FAM169A: variants seen among roughly 807,000 people sequenced by gnomAD.
FAM169A encodes soluble lamin-associated protein of 75 kDa.
FAM169A carries 24 observed loss-of-function variants against 75.7 expected under a neutral mutation model. The observed-to-expected ratio is 0.32, with a 90% CI of 0.23 to 0.45. The LOEUF (loss-of-function observed/expected upper bound fraction) is 0.45, where lower values mean the gene tolerates loss of function less well. Ranked by LOEUF, FAM169A falls within the 20% of genes least tolerant of loss-of-function variation. The probability of loss-of-function intolerance (pLI) is 1.00; values close to 1 mark genes in which losing one functional copy is unlikely to be tolerated. For synonymous variants in FAM169A, 271 were observed against 271.0 expected (o/e 1.00, Z 0.00); for missense variants, 673 against 784.0 (o/e 0.86, Z 1.69).
intron 5 of FAM169A, among the ~76,000 whole-genome samples, chr5:74,818,791 C>CT (rs1359291160): frequency 7.2e-6 from 1 of 138,812 alleles, no homozygotes; most frequent in Non-Finnish European, 1.5e-5. Flanking sequence ...CTCTCTCTCT[C>CT]TCTCTCTCTC....
intron 10 of FAM169A, among the ~76,000 whole-genome samples, chr5:74,797,388 G>A (rs113687819): frequency 0.024 from 3,646 of 152,142 alleles, 146 homozygotes; most frequent in African/African-American, 0.084. Flanking sequence ...TGTTGTCCAG[G>A]CTGGTTTCCA....
intron 11 of FAM169A, among the ~76,000 whole-genome samples, chr5:74,788,563 G>T (rs1320529732): frequency 1.3e-5 from 2 of 151,984 alleles, no homozygotes; most frequent in Non-Finnish European, 2.9e-5. Context: ...AAATTAGCCG[G>T]GCATGGTGGC....
chr5:74,849,133 G>A (rs985063512), intron 1 of FAM169A, among the ~76,000 whole-genome samples: 25 of 152,090 alleles, frequency 1.6e-4, no homozygotes, highest in Admixed American at 1.6e-3. Context: ...TCCAGGGTAA[G>A]CTGTATAAAA....
Position 74,845,375 on chromosome 5 carries a change from G to A in FAM169A, c.-3-3696C>T, listed in dbSNP as rs545213792. Among the ~76,000 whole-genome samples, 309 of 151,966 alleles carry A rather than the reference G, an allele frequency of 2.0e-3. 1 individual carries two copies. Among genetic ancestry groups the A allele is most frequent in the Admixed American group, 4.9e-3 (75 of 15,254 alleles). Reference sequence around the variant, plus strand: ...CTACTAAAAACACAAAAAATTAGCCGGGCGTGGTAGTGCGTGTCTGTAGTC... The same window carrying A: ...CTACTAAAAACACAAAAAATTAGCCAGGCGTGGTAGTGCGTGTCTGTAGTC... On this transcript the variant is annotated intron_variant, in intron 1 of 12. Coordinates refer to ENST00000687041, the MANE Select transcript of FAM169A (RefSeq NM_001376049.1).
chr5:74,798,020 G>A (rs1019244282), intron 10 of FAM169A, among the ~76,000 whole-genome samples: 1 of 152,190 alleles, frequency 6.6e-6, no homozygotes, highest in Non-Finnish European at 1.5e-5. Context: ...CATAGTTGGT[G>A]GACCTTTACA....
chr5:74,857,820 G>C (rs538363197), intron 1 of FAM169A, among the ~76,000 whole-genome samples: 1 of 152,094 alleles, frequency 6.6e-6, no homozygotes, highest in South Asian at 2.1e-4. Flanking sequence ...CTAGAGACAG[G>C]AGAAACTTCT....
At chr5:74,855,487 C>T (rs1330717980) in intron 1 of FAM169A, among the ~76,000 whole-genome samples, 4 of 152,148 alleles carry the variant, frequency 2.6e-5, no homozygotes, top group South Asian at 2.1e-4. Flanking sequence ...CATAAGCCAC[C>T]GTGCCTGGCC....
At chr5:74,799,373 C>A in intron 10 of FAM169A, 2 of 1,612,362 alleles carry the variant, frequency 1.2e-6, no homozygotes, top group Non-Finnish European at 1.7e-6. Context: ...TACTTTGAGT[C>A]TGAAAATGAC....
At chr5:74,851,642 T>C (rs1023654463) in intron 1 of FAM169A, among the ~76,000 whole-genome samples, 3 of 152,220 alleles carry the variant, frequency 2.0e-5, no homozygotes, top group African/African-American at 4.8e-5. Flanking sequence ...ATGATCCTAC[T>C]ACATACTGTA....
At chr5:74,852,193 A>G (rs1319846611) in intron 1 of FAM169A, among the ~76,000 whole-genome samples, 1 of 152,188 alleles carries the variant, frequency 6.6e-6, no homozygotes, top group Non-Finnish European at 1.5e-5. Context: ...CAACTAAGAA[A>G]TATAACCATG....
Position 74,865,806 on chromosome 5 carries a change from T to TGGGGAGAGGGCGA in FAM169A, c.-4+346_-4+358dup, listed in dbSNP as rs538671392. ...TCAGCTCGCACGCCAAGCATCCAGGTGGGGAGAGGGCGAGGGGAGGGGGCG... is the reference window on the plus strand; with the variant it reads ...TCAGCTCGCACGCCAAGCATCCAGGTGGGGAGAGGGCGAGGGGAGAGGGCGAGGGGAGGGGGCG... On this transcript the variant is annotated intron_variant, in intron 1 of 12. Coordinates refer to ENST00000687041, the MANE Select transcript of FAM169A (RefSeq NM_001376049.1). The TGGGGAGAGGGCGA allele has an allele frequency of 6.9e-3, 1,051 of 152,160 alleles. 7 individuals carry two copies. Among genetic ancestry groups the TGGGGAGAGGGCGA allele is most frequent in the Non-Finnish European group, 0.011 (751 of 68,020 alleles). The allele number at this position is 152,160 out of a possible 1,614,324, so 9.4% of individuals were successfully genotyped here. A position where few individuals can be genotyped will look rare whatever the true frequency, so the allele number is the denominator to read the frequency against.
At chr5:74,865,251 C>T (rs142025901) in intron 1 of FAM169A, 1 of 152,314 alleles carries the variant, frequency 6.6e-6, no homozygotes, top group East Asian at 1.9e-4. Context: ...CTGTGAGAAT[C>T]ACAATGAAAA....
chr5:74,860,761 A>AGCAACTGACCCCTCTCCT (rs1749989521), intron 1 of FAM169A, among the ~76,000 whole-genome samples: 1 of 150,814 alleles, frequency 6.6e-6, no homozygotes, highest in African/African-American at 2.4e-5. Context: ...AGTTTCTTTC[A>AGCAACTGACCCCTCTCCT]GCAACTGACC....
intron 11 of FAM169A, among the ~76,000 whole-genome samples, chr5:74,787,157 G>A (rs369664805): frequency 2.7e-4 from 41 of 152,318 alleles, no homozygotes; most frequent in African/African-American, 9.9e-4. Context: ...GGAATCTGGA[G>A]AACAGGTGTG....
At chr5:74,830,288 T>G (rs1748248403) in intron 5 of FAM169A, among the ~76,000 whole-genome samples, 1 of 152,212 alleles carries the variant, frequency 6.6e-6, no homozygotes, top group African/African-American at 2.4e-5. Flanking sequence ...AGAAGTAAAC[T>G]ATAACTCTTC....
chr5:74,798,487 A>G (rs1313904752), intron 10 of FAM169A, among the ~76,000 whole-genome samples: 1 of 152,214 alleles, frequency 6.6e-6, no homozygotes, highest in Admixed American at 6.5e-5. Context: ...CCTTATATCT[A>G]TCTTTAACAT....
At chr5:74,835,565 G>A (rs892319545) in intron 4 of FAM169A, among the ~76,000 whole-genome samples, 2 of 133,586 alleles carry the variant, frequency 1.5e-5, no homozygotes, top group African/African-American at 5.9e-5. Flanking sequence ...CTGCACCACC[G>A]CACTCCAGCC....
chr5:74,782,533 A>G (rs533792867), intron 12 of FAM169A, among the ~76,000 whole-genome samples: 1 of 152,342 alleles, frequency 6.6e-6, no homozygotes, highest in East Asian at 1.9e-4. Flanking sequence ...AATTTCTTTT[A>G]AAATACTCCA....
chr5:74,860,955 G>T (rs1750003276), intron 1 of FAM169A, among the ~76,000 whole-genome samples: 1 of 151,884 alleles, frequency 6.6e-6, no homozygotes, highest in South Asian at 2.1e-4. Flanking sequence ...GGCCAACATG[G>T]TGAAACCCCG....
Sources: allele counts gnomAD v4.1 joint callset (sites outside exome capture counted in the v4.1 genomes callset), GRCh38; gene constraint gnomAD v4.1.1; transcripts MANE v1.5; gene names NCBI Gene and HGNC (gene_info 2026-07-23, HGNC 2026-07-21).